Variants in ERN1 observed in about 807,000 individuals in gnomAD.
The protein encoded by ERN1 is serine/threonine-protein kinase/endoribonuclease IRE1.
ERN1 carries 39 observed loss-of-function variants against 113.1 expected under a neutral mutation model. The ratio of observed to expected loss-of-function variants is 0.34; its 90% confidence interval spans 0.27 to 0.45. The LOEUF is 0.45. Among genes scored for constraint, ERN1 ranks in the 20% least tolerant of loss-of-function variants. The pLI is 1.00. For missense variants in ERN1, 976 were observed against 1,274.8 expected, an observed-to-expected ratio of 0.77 and a Z score of 3.57; for synonymous variants, 507 against 515.9, an observed-to-expected ratio of 0.98 and a Z score of 0.23.
intron 17 of ERN1, among the ~76,000 whole-genome samples, chr17:64,052,454 G>GA (rs1567862006): frequency 6.6e-6 from 1 of 150,950 alleles, no homozygotes; most frequent in African/African-American, 2.4e-5. Context: ...GCAGTGAGCT[G>GA]AGATCATGCC....
intron 12 of ERN1, 142 bp from the exon 13 acceptor site, chr17:64,056,090 C>T (rs1463973081): frequency 2.3e-6 from 3 of 1,323,086 alleles, no homozygotes; most frequent in African/African-American, 3.0e-5. Flanking sequence ...AGTGAGAAGG[C>T]ACCTGGAAGC....
Position 64,042,271 on chromosome 17 carries a change from C to T in ERN1, c.*1717G>A, listed in dbSNP as rs1912364845. 1 of 152,192 alleles carries T rather than the reference C, an allele frequency of 6.6e-6. No homozygotes were observed. Among genetic ancestry groups the T allele is most frequent in the Admixed American group, 6.5e-5 (1 of 15,288 alleles). The allele number at this position is 152,192 out of a possible 1,614,324, so 9.4% of individuals were successfully genotyped here. On this transcript the variant is annotated 3_prime_UTR_variant, in exon 22 of 22. Transcript: ENST00000433197. Reference sequence around the variant, plus strand: ...GGACACCGACCAAGGGCCAAGGTTCCAAGGCCTAAGTGAGGTAATCGATGA... The same window carrying T: ...GGACACCGACCAAGGGCCAAGGTTCTAAGGCCTAAGTGAGGTAATCGATGA...
chr17:64,050,802 G>GT (rs1912658718), intron 17 of ERN1, among the ~76,000 whole-genome samples: 1 of 152,178 alleles, frequency 6.6e-6, no homozygotes, highest in Non-Finnish European at 1.5e-5. Context: ...TAAGTGTTAC[G>GT]GCGTGCGTGC....
At chr17:64,053,134 C>T (rs747280916) in intron 16 of ERN1, 138 bp downstream of exon 16, 174 of 905,954 alleles carry the variant, frequency 1.9e-4, no homozygotes, top group Non-Finnish European at 2.7e-4. Flanking sequence ...CAAATTCTTA[C>T]ACCACTCATC....
chr17:64,082,823 C>G (rs2143416670), intron 2 of ERN1, among the ~76,000 whole-genome samples: 1 of 150,752 alleles, frequency 6.6e-6, no homozygotes, highest in Non-Finnish European at 1.5e-5. Flanking sequence ...ATTCCCGGGA[C>G]AACTACATTG....
At chr17:64,059,485 C>CCATGTTGG (rs1178467152) in intron 11 of ERN1, among the ~76,000 whole-genome samples, 1 of 152,278 alleles carries the variant, frequency 6.6e-6, no homozygotes, top group East Asian at 1.9e-4. Context: ...CCTTCCCTGG[C>CCATGTTGG]CATGTTGGGT....
chr17:64,117,067 A>C (rs1305825301), intron 1 of ERN1, among the ~76,000 whole-genome samples: 1 of 151,892 alleles, frequency 6.6e-6, no homozygotes. Context: ...AGCAGAGATC[A>C]TGCCACTGCC....
chr17:64,128,646 C>A (rs1567892253), intron 1 of ERN1: 1 of 152,080 alleles, frequency 6.6e-6, no homozygotes, highest in Non-Finnish European at 1.5e-5. Flanking sequence ...TGAACAGATG[C>A]CAGGCAGTAG....
intron 2 of ERN1, among the ~76,000 whole-genome samples, chr17:64,084,738 C>A (rs1441127936): frequency 6.6e-6 from 1 of 152,172 alleles, no homozygotes; most frequent in Non-Finnish European, 1.5e-5. Context: ...GTTCATAAAT[C>A]CCAAGCAGTC....
rs115671838 is a variant in ERN1 at position 64,058,558 on chromosome 17, G to A, written c.1207-565C>T. Among the ~76,000 whole-genome samples, 983 of 152,236 alleles carry A rather than the reference G, an allele frequency of 6.5e-3. 8 individuals carry two copies. The highest frequency in any genetic ancestry group is 0.023 in the African/African-American group (941 of 41,524). ...AAAGTTTTTAAGAAGCATCAGAAGC[G>A]TTTGTTAAAGAAAATTTAGAAGCCC... On this transcript the variant is annotated intron_variant, in intron 11 of 21. Transcript: ENST00000433197.
chr17:64,119,082 C>G (rs1445306821), intron 1 of ERN1, among the ~76,000 whole-genome samples: 1 of 151,998 alleles, frequency 6.6e-6, no homozygotes, highest in Admixed American at 6.6e-5. Context: ...TGTGAAGGAG[C>G]CTGGAAAACA....
intron 6 of ERN1, 151 bp downstream of exon 6, chr17:64,071,830 A>C (rs1408302547): frequency 2.6e-6 from 2 of 758,818 alleles, no homozygotes; most frequent in Admixed American, 5.4e-5. Context: ...CACTGGGGGG[A>C]CACTGAAGGG....
chr17:64,102,108 C>T lies in ERN1; in HGVS notation c.55-3867G>A, dbSNP rs139601445. 5.6e-3 allele frequency among the ~76,000 whole-genome samples: 852 copies of T among 152,074 alleles called. 9 individuals carry two copies. The highest frequency in any genetic ancestry group is 0.019 in the African/African-American group (776 of 41,450). ...CAGCCTAGTCAACATGGTGAAACCC[C>T]GTCTGTACTAAAAAAAAATACTAAA... On this transcript the variant is annotated intron_variant, in intron 1 of 21. Transcript: ENST00000433197.
At position 64,075,267 on chromosome 17, in the gene ERN1, GAAA is replaced by G. The variant is rs764086501; in HGVS notation, c.283-23_283-21del. The G allele has an allele frequency of 1.8e-6, 1 of 548,270 alleles. No individual in the cohort carries two copies. The highest frequency in any genetic ancestry group is 2.8e-6 in the Non-Finnish European group (1 of 355,930). 34.0% of individuals were successfully genotyped at this position (548,270 alleles called of 1,614,324 possible). ...AAGTTTCTTTAAAAAAAAAAAAAAA[GAAA>G]AAAAAAAGTTAACCAAGTCTTGTGC... On this transcript the variant is annotated intron_variant, in intron 4 of 21. Transcript: ENST00000433197.
In ERN1 at chr17:64,063,142, C is replaced by T. The variant is rs1455644332; in HGVS notation, c.1087+844G>A. Among the ~76,000 whole-genome samples the T allele has an allele frequency of 1.3e-5, 2 of 152,270 alleles. No homozygotes were observed. Among genetic ancestry groups the T allele is most frequent in the Admixed American group, 6.5e-5 (1 of 15,290 alleles). On this transcript the variant is annotated intron_variant, in intron 10 of 21. Coordinates refer to ENST00000433197, the MANE Select transcript of ERN1 (RefSeq NM_001433.5). The surrounding 1 kb of genome is among the most constrained non-coding windows in gnomAD (Gnocchi z 5.1). ...GGAAGAGAACAGAGAGAAGAAACTGCACCGGCCCCTGGGTGCTCCAGCACC... is the reference window on the plus strand; with the variant it reads ...GGAAGAGAACAGAGAGAAGAAACTGTACCGGCCCCTGGGTGCTCCAGCACC...
chr17:64,045,979 TG>T (rs1339569191), intron 19 of ERN1, among the ~76,000 whole-genome samples: 1 of 152,092 alleles, frequency 6.6e-6, no homozygotes, highest in Non-Finnish European at 1.5e-5. Flanking sequence ...AGAGGAAACT[TG>T]GTGGCAAGAG....
chr17:64,102,858 A>G, intron 1 of ERN1: 1 of 985,388 alleles, frequency 1.0e-6, no homozygotes, highest in Non-Finnish European at 1.2e-6. Context: ...GTTAACAACC[A>G]TTTGAAATTT....
chr17:64,092,368 C>CA (rs755891414), intron 2 of ERN1, among the ~76,000 whole-genome samples: 5 of 152,152 alleles, frequency 3.3e-5, no homozygotes, highest in Non-Finnish European at 7.3e-5. Flanking sequence ...AAGAGACACT[C>CA]ACGTGAGAAT....
chr17:64,058,245 G>A (rs562589929), intron 11 of ERN1, among the ~76,000 whole-genome samples: 2 of 152,240 alleles, frequency 1.3e-5, no homozygotes, highest in South Asian at 2.1e-4. Context: ...CAATACTTTT[G>A]GCAGGTGTCT....
Sources: allele counts gnomAD v4.1 joint callset (sites outside exome capture counted in the v4.1 genomes callset), GRCh38; gene constraint gnomAD v4.1.1; non-coding constraint Gnocchi (gnomAD v3.1); transcripts MANE v1.5; gene names NCBI Gene and HGNC (gene_info 2026-07-23, HGNC 2026-07-21).